The following DOCK2 variants were observed in gnomAD, a reference collection of about 807,000 sequenced individuals.
DOCK2 encodes the protein dedicator of cytokinesis 2.
A neutral mutation model predicts 248.9 loss-of-function variants in DOCK2; 87 were observed. The observed-to-expected ratio is 0.35, with a 90% CI of 0.29 to 0.42. The LOEUF is 0.42. DOCK2 is among the 10% of genes least tolerant of loss of function. The pLI, the probability that DOCK2 is intolerant of heterozygous loss-of-function variation, is 1.00. For missense variants in DOCK2, 1,747 were observed against 2,300.2 expected, an observed-to-expected ratio of 0.76 and a Z score of 4.92; for synonymous variants, 805 against 821.6, an observed-to-expected ratio of 0.98 and a Z score of 0.35.
In DOCK2 at chr5:169,820,061, C is replaced by T. The variant is rs950024389; in HGVS notation, c.2703+16855C>T. The stretch of plus-strand genomic sequence containing the variant: ...CTGAGATCGAACTGCAAGGCAACAG[C>T]GAGACTGGTGGAGGGGCGCCCGCCA... On this transcript the variant is annotated intron_variant, in intron 26 of 51. Transcript: ENST00000520908. 3.3e-5 allele frequency among the ~76,000 whole-genome samples: 5 copies of T among 152,152 alleles called. No homozygotes were observed. The East Asian group carries it at 5.8e-4, about 18-fold the overall frequency.
chr5:169,933,267 CCTGTAGGA>C (rs1026089219), intron 27 of DOCK2, among the ~76,000 whole-genome samples: 2 of 152,218 alleles, frequency 1.3e-5, no homozygotes, highest in African/African-American at 4.8e-5. Context: ...ATCAGGTTAG[CCTGTAGGA>C]CAGTGGCTGT....
intron 27 of DOCK2, among the ~76,000 whole-genome samples, chr5:169,867,773 C>T (rs926127096): frequency 3.3e-5 from 5 of 152,108 alleles, no homozygotes; most frequent in African/African-American, 1.2e-4. Flanking sequence ...GGTACTGCAC[C>T]CCTATTTGTC....
At chr5:169,985,768 C>T in intron 28 of DOCK2, 60 bp from the exon 29 acceptor site, 1 of 1,423,602 alleles carries the variant, frequency 7.0e-7, no homozygotes, top group Non-Finnish European at 9.5e-7. Context: ...TTTGAAGAGC[C>T]AACAAGCTCT....
chr5:170,006,999 G>T (rs924901735), intron 30 of DOCK2, among the ~76,000 whole-genome samples: 1 of 152,198 alleles, frequency 6.6e-6, no homozygotes, highest in Non-Finnish European at 1.5e-5. Flanking sequence ...GTTGAGAGAT[G>T]AAAGGAAGAT....
chr5:169,800,918 CTTTTTCT>C (rs1395031429), intron 25 of DOCK2, among the ~76,000 whole-genome samples: 2 of 88,068 alleles, frequency 2.3e-5, no homozygotes, highest in Non-Finnish European at 4.6e-5. Flanking sequence ...TTTCTTTTTT[CTTTTTCT>C]TTTTTCTTTT....
chr5:169,755,580 T>G (rs946968879), intron 23 of DOCK2, among the ~76,000 whole-genome samples: 4 of 151,952 alleles, frequency 2.6e-5, no homozygotes, highest in African/African-American at 9.7e-5. Context: ...CTGTCTCTAC[T>G]ATAAATATAA....
chr5:169,804,501 C>CGT (rs1561713234), intron 26 of DOCK2, among the ~76,000 whole-genome samples: 8 of 64,894 alleles, frequency 1.2e-4, no homozygotes, highest in African/African-American at 2.7e-4. Context: ...CGCGCGTGCG[C>CGT]GTAAGCATTT....
Position 169,717,470 on chromosome 5 carries a change from G to A in DOCK2, c.2118G>A (p.Ala706=), listed in dbSNP as rs569671710. 61 of 1,613,672 alleles carry A rather than the reference G, an allele frequency of 3.8e-5. No individual in the cohort carries two copies. Among genetic ancestry groups the A allele is most frequent in the East Asian group, 2.2e-4 (10 of 44,868 alleles). Residue 706 remains alanine (A), a synonymous_variant, in exon 21 of 52, where the codon GCG becomes GCA. Coordinates refer to ENST00000520908, the MANE Select transcript of DOCK2 (RefSeq NM_004946.3). Reference sequence around the variant, plus strand: ...CTTACATCCAACAGCATTTCAGTGCGACCTTGGCTTACAAGTAAGTAATTG... The same window carrying A: ...CTTACATCCAACAGCATTTCAGTGCAACCTTGGCTTACAAGTAAGTAATTG... ...LEAYIQQHFS[A]TLAYKKLMTV...
At chr5:169,652,185 T>G (rs1430532928) in intron 1 of DOCK2, among the ~76,000 whole-genome samples, 1 of 152,174 alleles carries the variant, frequency 6.6e-6, no homozygotes, top group African/African-American at 2.4e-5. Flanking sequence ...TTGTGTGGAT[T>G]ACAAAAAGAT....
In DOCK2 at chr5:169,996,108, A is replaced by C; in HGVS notation, c.3016A>C (p.Lys1006Gln). 2 of 1,614,020 alleles carry C rather than the reference A, an allele frequency of 1.2e-6. No individual in the cohort carries two copies. Among genetic ancestry groups the C allele is most frequent in the Non-Finnish European group, 1.7e-6 (2 of 1,179,916 alleles). Residue 1006 changes from lysine to glutamine, a missense_variant, in exon 30 of 52, where the codon AAG becomes CAG. Lys to Gln is a moderately conservative substitution (Grantham distance 53, BLOSUM62 1). This residue lies in a region of DOCK2 where 858 missense variants were observed against 1,183.5 expected (regional missense o/e 0.72). Coordinates refer to ENST00000520908, the MANE Select transcript of DOCK2 (RefSeq NM_004946.3). Reference protein sequence around the residue: ...QNRVFLRAINKFAETMNQKFL... With the variant: ...QNRVFLRAINQFAETMNQKFL... ...CAGGGTCTTCCTGAGAGCTATCAAC[A>C]AGTTTGCAGAAACCATGAACCAGAA...
At position 169,810,989 on chromosome 5, in the gene DOCK2, TCACACA is replaced by T. The variant is rs55987604; in HGVS notation, c.2703+7813_2703+7818del. ...CACACAGACTCTCTCTCTCTCTCTC[TCACACA>T]CACACACACACACACACACACACAC... On this transcript the variant is annotated intron_variant, in intron 26 of 51. Transcript: ENST00000520908. 2.5e-3 allele frequency among the ~76,000 whole-genome samples: 239 copies of T among 97,312 alleles called. 1 individual carries two copies. Among genetic ancestry groups the T allele is most frequent in the African/African-American group, 6.3e-3 (192 of 30,446 alleles). The allele number at this position is 97,312 out of a possible 152,430, so 63.8% of individuals were successfully genotyped here. A position where few individuals can be genotyped will look rare whatever the true frequency, so the allele number is the denominator to read the frequency against.
At chr5:169,716,334 A>G in intron 20 of DOCK2, 32 bp downstream of exon 20, 1 of 1,603,232 alleles carries the variant, frequency 6.2e-7, no homozygotes, top group Non-Finnish European at 8.5e-7. Flanking sequence ...TCTAGTGACA[A>G]CAGGCATTAA....
chr5:169,717,341 C>T (rs1301877166), intron 20 of DOCK2, 43 bp from the exon 21 acceptor site: 1 of 1,563,462 alleles, frequency 6.4e-7, no homozygotes, highest in African/African-American at 1.4e-5. Context: ...GCTTCCTGCC[C>T]TGGGTTTGCC....
At chr5:169,969,394 G>A (rs1157908657) in intron 27 of DOCK2, among the ~76,000 whole-genome samples, 1 of 151,728 alleles carries the variant, frequency 6.6e-6, no homozygotes, top group African/African-American at 2.4e-5. Flanking sequence ...GCAGTGAGCC[G>A]AGATCACGCC....
At chr5:169,713,018 A>T (rs1177879926) in intron 17 of DOCK2, among the ~76,000 whole-genome samples, 1 of 152,234 alleles carries the variant, frequency 6.6e-6, no homozygotes, top group Non-Finnish European at 1.5e-5. Context: ...TGTAGGCTGA[A>T]ATTGCCCTTT....
At chr5:169,899,029 T>C (rs1412697609) in intron 27 of DOCK2, among the ~76,000 whole-genome samples, 1 of 152,164 alleles carries the variant, frequency 6.6e-6, no homozygotes, top group African/African-American at 2.4e-5. Context: ...GTGAATGGTG[T>C]TTGCTCTCTG....
intron 27 of DOCK2, among the ~76,000 whole-genome samples, chr5:169,902,566 C>T (rs551623300): frequency 1.5e-4 from 23 of 152,292 alleles, no homozygotes; most frequent in African/African-American, 5.1e-4. Flanking sequence ...GTGGGAAATA[C>T]TGAGGGTCAG....
chr5:170,042,557 G>A (rs1756556861), intron 38 of DOCK2, among the ~76,000 whole-genome samples: 1 of 152,162 alleles, frequency 6.6e-6, no homozygotes, highest in Non-Finnish European at 1.5e-5. Flanking sequence ...TTTCATCCCT[G>A]CTGGGGTCCC....
intron 22 of DOCK2, 112 bp downstream of exon 22, chr5:169,718,903 C>T: frequency 7.2e-7 from 1 of 1,393,370 alleles, no homozygotes; most frequent in African/African-American, 1.4e-5. Context: ...AGCTGTCGAT[C>T]AAAAACAGCT....
Sources: allele counts gnomAD v4.1 joint callset (sites outside exome capture counted in the v4.1 genomes callset), GRCh38; gene constraint gnomAD v4.1.1; regional missense constraint gnomAD v4.1.1; transcripts MANE v1.5; gene names NCBI Gene and HGNC (gene_info 2026-07-23, HGNC 2026-07-21).